Variants in CDH13 observed in about 807,000 individuals in gnomAD.
The protein encoded by CDH13 is cadherin-13.
In CDH13, 24 loss-of-function variants were observed where a neutral mutation model predicts 63.8. That is an observed-to-expected ratio of 0.38 (90% CI 0.27 to 0.53). CDH13 has a LOEUF of 0.53. Among genes scored for constraint, CDH13 ranks in the 20% least tolerant of loss-of-function variants. CDH13 has a pLI of 0.85. For missense variants in CDH13, 1,049 were observed against 903.1 expected, an observed-to-expected ratio of 1.16 and a Z score of -2.07; for synonymous variants, 503 against 355.3, an observed-to-expected ratio of 1.42 and a Z score of -4.67.
At chr16:83,010,917 G>C (rs1194681911) in intron 2 of CDH13, among the ~76,000 whole-genome samples, 1 of 152,154 alleles carries the variant, frequency 6.6e-6, no homozygotes, top group African/African-American at 2.4e-5. Flanking sequence ...AGCATTTTGT[G>C]GCTGAAGCTC....
chr16:83,442,806 A>AGTGAT, intron 6 of CDH13, among the ~76,000 whole-genome samples: 1 of 152,394 alleles, frequency 6.6e-6, no homozygotes, highest in South Asian at 2.1e-4. Context: ...ATGAACATCC[A>AGTGAT]GTGATGTGCA....
intron 1 of CDH13, among the ~76,000 whole-genome samples, chr16:82,687,652 C>T (rs1188692695): frequency 6.6e-6 from 1 of 152,092 alleles, no homozygotes; most frequent in Non-Finnish European, 1.5e-5. Context: ...TTACCTCCCA[C>T]CCACTTCCTC....
intron 1 of CDH13, among the ~76,000 whole-genome samples, chr16:82,808,260 T>G (rs762490395): frequency 6.6e-5 from 10 of 152,236 alleles, no homozygotes; most frequent in African/African-American, 2.4e-4. Flanking sequence ...GATTTGCTTT[T>G]GTTCTCTTTG....
At chr16:83,666,716 T>C (rs1913986603) in intron 8 of CDH13, among the ~76,000 whole-genome samples, 1 of 152,154 alleles carries the variant, frequency 6.6e-6, no homozygotes, top group African/African-American at 2.4e-5. Context: ...ATGCCAGGTA[T>C]GTTCTCACCC....
chr16:82,868,571 G>T lies in CDH13; in HGVS notation c.157+10098G>T, dbSNP rs3901616. Reference sequence around the variant, plus strand: ...TGGGAAACACAAGAAGTAACAGAGTGAGAAGGACTTCTCAGACGAGGAACA... The same window carrying T: ...TGGGAAACACAAGAAGTAACAGAGTTAGAAGGACTTCTCAGACGAGGAACA... On this transcript the variant is annotated intron_variant, in intron 2 of 13. Transcript: ENST00000567109. Among the ~76,000 whole-genome samples the T allele has an allele frequency of 1.8e-3, 273 of 152,330 alleles. 3 individuals carry two copies. Among genetic ancestry groups the T allele is most frequent in the Non-Finnish European group, 2.7e-3 (183 of 68,028 alleles).
chr16:83,486,736 A>G lies in CDH13; in HGVS notation c.960+81A>G, dbSNP rs931278461. On this transcript the variant is annotated intron_variant, in intron 7 of 13. Transcript: ENST00000567109. ...CAAGGGATGATGTGGGGCTCCAGTC[A>G]GTGGTTTTTTTTAATACTGTAAAGG... 2.2e-6 allele frequency: 3 copies of G among 1,369,182 alleles called. No individual in the cohort carries two copies. In the African/African-American group the frequency reaches 4.3e-5, roughly 20 times the overall value. 84.8% of individuals were successfully genotyped at this position (1,369,182 alleles called of 1,614,324 possible).
At chr16:83,675,945 T>C (rs1914917292) in intron 9 of CDH13, among the ~76,000 whole-genome samples, 1 of 152,212 alleles carries the variant, frequency 6.6e-6, no homozygotes, top group Non-Finnish European at 1.5e-5. Context: ...GAGCCCACTA[T>C]GGTCCTGACA....
chr16:82,792,203 C>T (rs1249081663), intron 1 of CDH13, among the ~76,000 whole-genome samples: 1 of 152,158 alleles, frequency 6.6e-6, no homozygotes, highest in African/African-American at 2.4e-5. Flanking sequence ...ATTCTACCAC[C>T]TTGCTGTCCT....
intron 3 of CDH13, among the ~76,000 whole-genome samples, chr16:83,071,852 T>C (rs1785523772): frequency 6.6e-6 from 1 of 152,186 alleles, no homozygotes; most frequent in African/African-American, 2.4e-5. Context: ...GTTGTAAATA[T>C]CCCATTTATA....
At chr16:82,696,210 C>T (rs1259819761) in intron 1 of CDH13, among the ~76,000 whole-genome samples, 1 of 152,100 alleles carries the variant, frequency 6.6e-6, no homozygotes, top group Non-Finnish European at 1.5e-5. Context: ...TTTCTTTTTG[C>T]ATAATTCTAT....
At chr16:83,188,581 G>A (rs2038600100) in intron 4 of CDH13, among the ~76,000 whole-genome samples, 1 of 152,132 alleles carries the variant, frequency 6.6e-6, no homozygotes, top group Admixed American at 6.6e-5. Context: ...CGTTGGCCAT[G>A]GTCCTGGCTC....
chr16:83,671,834 C>T (rs970800453), intron 9 of CDH13, among the ~76,000 whole-genome samples: 8 of 152,200 alleles, frequency 5.3e-5, no homozygotes, highest in Admixed American at 5.2e-4. Context: ...AAACCTCTAG[C>T]TCATGCTGGT....
At chr16:82,667,574 GGAGAGGCTCTCAGTTCA>G (rs1567606975) in intron 1 of CDH13, among the ~76,000 whole-genome samples, 1 of 152,074 alleles carries the variant, frequency 6.6e-6, no homozygotes, top group Non-Finnish European at 1.5e-5. Context: ...TGGCAAGGGC[GGAGAGGCTCTCAGTTCA>G]GAGAGGAGTT....
chr16:82,665,767 T>C (rs2150933822), intron 1 of CDH13, among the ~76,000 whole-genome samples: 1 of 152,170 alleles, frequency 6.6e-6, no homozygotes, highest in South Asian at 2.1e-4. Flanking sequence ...TTGGACCTAC[T>C]GAACAGCAAT....
At chr16:82,754,560 C>T (rs1351385189) in intron 1 of CDH13, among the ~76,000 whole-genome samples, 2 of 152,128 alleles carry the variant, frequency 1.3e-5, no homozygotes, top group African/African-American at 4.8e-5. Flanking sequence ...TTTCCTATTG[C>T]TAAGCATTAT....
intron 2 of CDH13, among the ~76,000 whole-genome samples, chr16:82,860,471 A>G (rs530486873): frequency 2.0e-5 from 3 of 151,050 alleles, no homozygotes; most frequent in Admixed American, 6.6e-5. Flanking sequence ...TGGGTAAGCT[A>G]GTAAATGCTA....
At chr16:83,269,272 C>G (rs903546438) in intron 5 of CDH13, among the ~76,000 whole-genome samples, 10 of 152,142 alleles carry the variant, frequency 6.6e-5, no homozygotes, top group African/African-American at 2.4e-4. Flanking sequence ...CCCAGAACTC[C>G]TGGAGAGACC....
chr16:82,640,575 A>C (rs969149985), intron 1 of CDH13, among the ~76,000 whole-genome samples: 1 of 152,164 alleles, frequency 6.6e-6, no homozygotes, highest in African/African-American at 2.4e-5. Flanking sequence ...ACACAAGCAG[A>C]GCTAGATTGG....
chr16:83,229,246 A>C (rs2039935136), intron 5 of CDH13, among the ~76,000 whole-genome samples: 1 of 152,180 alleles, frequency 6.6e-6, no homozygotes, highest in Admixed American at 6.5e-5. Flanking sequence ...ATTAATTCAA[A>C]AATGCATTCA....
Sources: gnomAD v4.1 joint callset for allele counts (sites outside exome capture counted in the v4.1 genomes callset) on GRCh38, gnomAD v4.1.1 for gene constraint, MANE v1.5 for transcripts, NCBI Gene and HGNC (gene_info 2026-07-23, HGNC 2026-07-21) for gene names.